The following AEBP2 variants were observed in gnomAD, a reference collection of about 807,000 sequenced individuals.
The protein encoded by AEBP2 is AE binding protein 2.
In AEBP2, 10 loss-of-function variants were observed where a neutral mutation model predicts 50.8. The observed-to-expected ratio is 0.20, with a 90% CI of 0.12 to 0.33. The LOEUF (loss-of-function observed/expected upper bound fraction) is 0.33, where lower values mean the gene tolerates loss of function less well. AEBP2 is among the 10% of genes least tolerant of loss of function. The probability of loss-of-function intolerance (pLI) is 1.00; values close to 1 mark genes in which losing one functional copy is unlikely to be tolerated. For missense variants in AEBP2, 570 were observed against 688.0 expected (o/e 0.83, Z 1.92); for synonymous variants, 296 against 261.3 (o/e 1.13, Z -1.28).
intron 3 of AEBP2, among the ~76,000 whole-genome samples, chr12:19,480,306 T>C (rs974039476): frequency 7.2e-5 from 11 of 152,188 alleles, no homozygotes; most frequent in Non-Finnish European, 1.5e-4. Context: ...GGTTTCTCCA[T>C]GTTGGCCAGG....
rs569970482 is a variant in AEBP2 at position 19,453,586 on chromosome 12, G to C, written c.672-8924G>C. ...TTACAGGCACGCGACACCATGCCCA[G>C]CTAATTTTTGTGTTTTTATTAGAGA... is the stretch of plus-strand genomic sequence containing the variant. On this transcript the variant is annotated intron_variant, in intron 1 of 7. Coordinates refer to ENST00000266508, the MANE Select transcript of AEBP2 (RefSeq NM_153207.5). Among the ~76,000 whole-genome samples, 5 of 151,956 alleles carry C rather than the reference G, an allele frequency of 3.3e-5. No homozygotes were observed. The East Asian group carries it at 7.8e-4, about 24-fold the overall frequency.
chr12:19,518,221 T>A lies in AEBP2; in HGVS notation c.*104T>A. On this transcript the variant is annotated 3_prime_UTR_variant, in exon 8 of 8. Transcript: ENST00000266508. Reference sequence around the variant, plus strand: ...TGCACATTAGAGTCAACCCCTTCTTTTTTTTTTTTTTTTTTTTAAATCCAG... The same window carrying A: ...TGCACATTAGAGTCAACCCCTTCTTATTTTTTTTTTTTTTTTTAAATCCAG... 2.4e-6 allele frequency: 2 copies of A among 846,104 alleles called. No individual in the cohort carries two copies. Among genetic ancestry groups the A allele is most frequent in the South Asian group, 3.2e-5 (1 of 30,812 alleles). 52.4% of individuals were successfully genotyped at this position (846,104 alleles called of 1,614,324 possible).
At chr12:19,509,129 A>T (rs1949196892) in intron 5 of AEBP2, 1 of 522,348 alleles carries the variant, frequency 1.9e-6, no homozygotes, top group Non-Finnish European at 3.6e-6. Flanking sequence ...ACATGTCAGC[A>T]GGGCCTGTGG....
intron 1 of AEBP2, among the ~76,000 whole-genome samples, chr12:19,415,316 CAAAAAAAAAAAAAAAAAAAAA>C (rs869125193): frequency 5.0e-5 from 3 of 59,546 alleles, no homozygotes; most frequent in African/African-American, 2.5e-4. Context: ...GACCCTGTCT[CAAAAAAAAAAAAAAAAAAAAA>C]AAAAAAAAAA....
At chr12:19,411,818 A>T (rs974155223) in intron 1 of AEBP2, among the ~76,000 whole-genome samples, 1 of 152,144 alleles carries the variant, frequency 6.6e-6, no homozygotes, top group Non-Finnish European at 1.5e-5. Context: ...ACATAGATTG[A>T]CTCGTTTACT....
chr12:19,450,795 T>A (rs537336743), intron 1 of AEBP2, among the ~76,000 whole-genome samples: 1 of 151,442 alleles, frequency 6.6e-6, no homozygotes, highest in East Asian at 1.9e-4. Flanking sequence ...TGAACTATGA[T>A]TGTGCCACTG....
At chr12:19,502,215 A>G (rs1357194345) in intron 5 of AEBP2, among the ~76,000 whole-genome samples, 1 of 151,770 alleles carries the variant, frequency 6.6e-6, no homozygotes, top group Non-Finnish European at 1.5e-5. Flanking sequence ...GCTCACTGCA[A>G]CCTCCACCCT....
At chr12:19,451,745 C>T (rs564768187) in intron 1 of AEBP2, among the ~76,000 whole-genome samples, 8 of 150,822 alleles carry the variant, frequency 5.3e-5, no homozygotes, top group Admixed American at 2.6e-4. Context: ...GGCTGGAGTA[C>T]AGTGGCTGTT....
intron 1 of AEBP2, among the ~76,000 whole-genome samples, chr12:19,419,433 C>G (rs1207297966): frequency 1.3e-5 from 2 of 151,874 alleles, no homozygotes; most frequent in East Asian, 3.9e-4. Context: ...ACTAAAAATA[C>G]AAAAACTTAG....
chr12:19,508,162 C>T (rs1490131139), intron 5 of AEBP2, among the ~76,000 whole-genome samples: 1 of 152,036 alleles, frequency 6.6e-6, no homozygotes, highest in South Asian at 2.1e-4. Flanking sequence ...ATTTTGTTGC[C>T]AAGTCTAGAA....
chr12:19,495,065 C>T (rs1185388037), intron 4 of AEBP2, among the ~76,000 whole-genome samples: 1 of 152,118 alleles, frequency 6.6e-6, no homozygotes, highest in African/African-American at 2.4e-5. Context: ...GCCACCACGA[C>T]TGGCTAATCA....
intron 5 of AEBP2, among the ~76,000 whole-genome samples, chr12:19,503,284 C>T (rs1398640704): frequency 6.6e-6 from 1 of 151,608 alleles, no homozygotes; most frequent in Non-Finnish European, 1.5e-5. Flanking sequence ...TTTTGTAGTT[C>T]TCCTTGTAGA....
intron 3 of AEBP2, among the ~76,000 whole-genome samples, chr12:19,491,829 C>T (rs1948897775): frequency 6.6e-6 from 1 of 152,056 alleles, no homozygotes. Flanking sequence ...ATATACATCT[C>T]TGTGTTCAAA....
chr12:19,515,362 C>T (rs940593283), intron 7 of AEBP2, among the ~76,000 whole-genome samples: 2 of 152,104 alleles, frequency 1.3e-5, no homozygotes, highest in Non-Finnish European at 2.9e-5. Flanking sequence ...AGGTGCTTTG[C>T]GTATACGTCA....
intron 4 of AEBP2, among the ~76,000 whole-genome samples, chr12:19,494,316 A>C (rs909097210): frequency 2.0e-5 from 3 of 152,082 alleles, no homozygotes; most frequent in African/African-American, 7.2e-5. Flanking sequence ...ATCAAGTGAA[A>C]GTTAAGTAAT....
At chr12:19,492,812 C>G (rs1948914561) in intron 3 of AEBP2, among the ~76,000 whole-genome samples, 1 of 151,802 alleles carries the variant, frequency 6.6e-6, no homozygotes, top group Admixed American at 6.6e-5. Context: ...ACAAAAAATG[C>G]AACAACAACA....
chr12:19,489,680 G>A (rs923342158), intron 3 of AEBP2, among the ~76,000 whole-genome samples: 13 of 152,180 alleles, frequency 8.5e-5, no homozygotes, highest in Non-Finnish European at 1.3e-4. Flanking sequence ...ATGTAAAGAG[G>A]ATGGTACTAG....
intron 4 of AEBP2, among the ~76,000 whole-genome samples, chr12:19,497,250 A>G (rs983582730): frequency 1.3e-5 from 2 of 151,116 alleles, no homozygotes; most frequent in South Asian, 4.2e-4. Context: ...CATTACACCT[A>G]AGGAGAAGAT....
chr12:19,441,433 A>G (rs575340663), intron 1 of AEBP2, among the ~76,000 whole-genome samples: 4 of 152,322 alleles, frequency 2.6e-5, no homozygotes, highest in South Asian at 2.1e-4. Context: ...TTGACCATCT[A>G]TGTTTTGACA....
Sources: allele counts gnomAD v4.1 joint callset (sites outside exome capture counted in the v4.1 genomes callset), GRCh38; gene constraint gnomAD v4.1.1; transcripts MANE v1.5; gene names NCBI Gene and HGNC (gene_info 2026-07-23, HGNC 2026-07-21).